Variants in SLC24A3 observed in about 807,000 individuals in gnomAD.
The protein encoded by SLC24A3 is sodium/potassium/calcium exchanger 3.
Under a neutral mutation model 75.8 loss-of-function variants are expected in SLC24A3, and 28 were observed. The ratio of observed to expected loss-of-function variants is 0.37; its 90% CI spans 0.27 to 0.51. The LOEUF (loss-of-function observed/expected upper bound fraction) is 0.51. SLC24A3 is among the 20% of genes least tolerant of loss of function. SLC24A3 has a pLI of 0.94. For synonymous variants in SLC24A3, 372 were observed against 334.1 expected, an observed-to-expected ratio of 1.11 and a Z score of -1.24; for missense variants, 663 against 847.8, an observed-to-expected ratio of 0.78 and a Z score of 2.71.
intron 2 of SLC24A3, among the ~76,000 whole-genome samples, chr20:19,417,185 G>GC (rs1986841161): frequency 6.6e-6 from 1 of 152,112 alleles, no homozygotes; most frequent in Non-Finnish European, 1.5e-5. Flanking sequence ...ACAACCTTTA[G>GC]CATTAAAAAA....
chr20:19,233,192 C>T (rs930261581), intron 1 of SLC24A3, among the ~76,000 whole-genome samples: 6 of 152,296 alleles, frequency 3.9e-5, no homozygotes, highest in East Asian at 1.9e-4. Flanking sequence ...ATGAGCAGTC[C>T]GGGGTGGGGA....
chr20:19,467,409 T>G (rs767400897), intron 2 of SLC24A3, among the ~76,000 whole-genome samples: 1 of 152,090 alleles, frequency 6.6e-6, no homozygotes, highest in African/African-American at 2.4e-5. Flanking sequence ...AAGAATAGAT[T>G]TGGGGGAAAT....
chr20:19,462,048 A>G (rs1003416176), intron 2 of SLC24A3, among the ~76,000 whole-genome samples: 1 of 152,170 alleles, frequency 6.6e-6, no homozygotes, highest in Non-Finnish European at 1.5e-5. Context: ...GAGTCCGTGT[A>G]CAGGTATCTT....
chr20:19,474,028 A>C (rs546252197), intron 2 of SLC24A3, among the ~76,000 whole-genome samples: 38 of 152,356 alleles, frequency 2.5e-4, no homozygotes, highest in African/African-American at 7.9e-4. Flanking sequence ...AACTTAATTA[A>C]ACTGTCGGAG....
At chr20:19,708,219 C>G (rs2032950395) in intron 15 of SLC24A3, among the ~76,000 whole-genome samples, 1 of 152,118 alleles carries the variant, frequency 6.6e-6, no homozygotes, top group Non-Finnish European at 1.5e-5. Flanking sequence ...GAAGCCTACC[C>G]TCAGCCAAAT....
rs112743595 is a variant in SLC24A3, at chr20:19,532,471, C to T, written c.348+16907C>T. On this transcript the variant is annotated intron_variant, in intron 3 of 16. Coordinates refer to ENST00000328041, the MANE Select transcript of SLC24A3 (RefSeq NM_020689.4). ...TGGGGCCCCATCTTGGAAATGAGCC[C>T]GGCTGTCTCTCCTGGAGGAGAATTC... Among the ~76,000 whole-genome samples, 1,183 of 152,320 alleles carry T rather than the reference C, an allele frequency of 7.8e-3. 9 individuals are homozygous for T. The highest frequency in any genetic ancestry group is 0.013 in the Non-Finnish European group (852 of 68,034).
chr20:19,649,397 A>C lies in SLC24A3; in HGVS notation c.613-4665A>C, dbSNP rs148095819. Reference sequence around the variant, plus strand: ...TATTTTTGTAAATTGAACTGGCCAAATGGACAGGTAGTTTCAGTGTTTATT... The same window carrying C: ...TATTTTTGTAAATTGAACTGGCCAACTGGACAGGTAGTTTCAGTGTTTATT... On this transcript the variant is annotated intron_variant, in intron 6 of 16. Coordinates refer to ENST00000328041, the MANE Select transcript of SLC24A3 (RefSeq NM_020689.4). 7.1e-3 allele frequency among the ~76,000 whole-genome samples: 1,078 copies of C among 152,308 alleles called. 12 individuals carry two copies. The highest frequency in any genetic ancestry group is 0.024 in the African/African-American group (1,018 of 41,572).
At chr20:19,664,114 A>T (rs1480396685) in intron 7 of SLC24A3, among the ~76,000 whole-genome samples, 1 of 152,220 alleles carries the variant, frequency 6.6e-6, no homozygotes, top group Non-Finnish European at 1.5e-5. Context: ...TTAAGTGGCT[A>T]CAAATTGATT....
intron 2 of SLC24A3, among the ~76,000 whole-genome samples, chr20:19,308,710 G>T (rs1984385842): frequency 6.6e-6 from 1 of 152,196 alleles, no homozygotes; most frequent in Non-Finnish European, 1.5e-5. Flanking sequence ...GGTTGCAGGA[G>T]GGGCTTTATT....
At chr20:19,458,699 AAAG>A (rs1987619665) in intron 2 of SLC24A3, among the ~76,000 whole-genome samples, 1 of 152,176 alleles carries the variant, frequency 6.6e-6, no homozygotes, top group Non-Finnish European at 1.5e-5. Context: ...CTTTCTTTCT[AAAG>A]AAGAATATTC....
intron 2 of SLC24A3, among the ~76,000 whole-genome samples, chr20:19,448,518 C>T (rs1019549285): frequency 6.6e-6 from 1 of 152,234 alleles, no homozygotes; most frequent in Admixed American, 6.5e-5. Flanking sequence ...CCTCGAATCA[C>T]AGCGTCCAAC....
intron 2 of SLC24A3, among the ~76,000 whole-genome samples, chr20:19,498,916 C>T (rs952868263): frequency 2.6e-5 from 4 of 152,202 alleles, no homozygotes; most frequent in East Asian, 1.9e-4. Context: ...GGCGTGTGCA[C>T]GTGCAGCTCT....
chr20:19,482,507 T>G (rs998480479), intron 2 of SLC24A3, among the ~76,000 whole-genome samples: 1 of 152,214 alleles, frequency 6.6e-6, no homozygotes, highest in Non-Finnish European at 1.5e-5. Flanking sequence ...AAGTTGAAAC[T>G]TTGCATTCAT....
At chr20:19,254,642 C>A (rs1358442439) in intron 1 of SLC24A3, among the ~76,000 whole-genome samples, 1 of 152,204 alleles carries the variant, frequency 6.6e-6, no homozygotes, top group Non-Finnish European at 1.5e-5. Flanking sequence ...CTGACTCATG[C>A]CTCTAGTGTG....
chr20:19,526,815 A>G (rs1056718626), intron 3 of SLC24A3, among the ~76,000 whole-genome samples: 1 of 152,160 alleles, frequency 6.6e-6, no homozygotes, highest in Non-Finnish European at 1.5e-5. Context: ...AAAAATGTGG[A>G]TAATGATAGT....
At chr20:19,422,426 A>G (rs1986932813) in intron 2 of SLC24A3, among the ~76,000 whole-genome samples, 1 of 152,122 alleles carries the variant, frequency 6.6e-6, no homozygotes, top group South Asian at 2.1e-4. Context: ...CTGCACCTCC[A>G]TGGTTCTGGC....
intron 9 of SLC24A3, among the ~76,000 whole-genome samples, chr20:19,674,727 C>A (rs927932759): frequency 6.6e-6 from 1 of 152,202 alleles, no homozygotes. Flanking sequence ...GACATATGTT[C>A]TTTTCCCTCC....
chr20:19,687,206 G>A (rs1050562416), intron 12 of SLC24A3, among the ~76,000 whole-genome samples: 4 of 152,152 alleles, frequency 2.6e-5, no homozygotes, highest in African/African-American at 4.8e-5. Context: ...GGTTCATTGC[G>A]GCTGTGCAGG....
intron 1 of SLC24A3, among the ~76,000 whole-genome samples, chr20:19,222,783 C>CCCTCCTTCCTTCCTTCCTTCCTTCCTT (rs759160442): frequency 1.3e-5 from 1 of 75,804 alleles, no homozygotes; most frequent in Non-Finnish European, 2.5e-5. Flanking sequence ...TCCCCTCCCT[C>CCCTCCTTCCTTCCTTCCTTCCTTCCTT]CCTTCCTTCC....
Sources: allele counts gnomAD v4.1 joint callset (sites outside exome capture counted in the v4.1 genomes callset), GRCh38; gene constraint gnomAD v4.1.1; transcripts MANE v1.5; gene names NCBI Gene and HGNC (gene_info 2026-07-23, HGNC 2026-07-21).